GSDME: variants seen among roughly 807,000 people sequenced by gnomAD.
GSDME encodes gasdermin E, also known as gasdermin-E.
GSDME carries 44 observed loss-of-function variants against 47.5 expected under a neutral mutation model. That is an observed-to-expected ratio of 0.93 (90% CI 0.73 to 1.19). The LOEUF (loss-of-function observed/expected upper bound fraction) is 1.19, where lower values mean the gene tolerates loss of function less well. GSDME is among the 50% of genes most tolerant of loss of function. The pLI is 0.00. For synonymous variants in GSDME, 258 were observed against 252.8 expected (o/e 1.02, Z -0.20); for missense variants, 663 against 604.2 (o/e 1.10, Z -1.02).
intron 4 of GSDME, 144 bp from the exon 5 acceptor site, chr7:24,717,518 C>T (rs1181034432): frequency 1.4e-5 from 19 of 1,325,404 alleles, no homozygotes; most frequent in Non-Finnish European, 2.0e-5. Flanking sequence ...AGCCAGCCAG[C>T]ATGGGGGATG....
chr7:24,721,423 G>A lies in GSDME; in HGVS notation c.405-2205C>T, dbSNP rs958935698. Among the ~76,000 whole-genome samples the A allele has an allele frequency of 3.9e-5, 6 of 152,242 alleles. No homozygotes were observed. Among genetic ancestry groups the A allele is most frequent in the African/African-American group, 9.6e-5 (4 of 41,456 alleles). ...GAAGGAACAGGAAACAGGGACCCTG[G>A]AGCCTGCAGGGCTGGGGTTCGGATC... On this transcript the variant is annotated intron_variant, in intron 3 of 9. Transcript: ENST00000645220. The surrounding 1 kb of genome is among the most constrained non-coding windows in gnomAD (Gnocchi z 4.1).
the GSDME span, among the ~76,000 whole-genome samples, chr7:24,784,873 C>A: frequency 6.6e-6 from 1 of 152,048 alleles, no homozygotes. Context: ...CTTTTTCTAG[C>A]CTCACTGGCA....
chr7:24,759,441 G>C (rs1791131639), upstream of GSDME, among the ~76,000 whole-genome samples: 2 of 152,212 alleles, frequency 1.3e-5, no homozygotes, highest in South Asian at 4.1e-4. Context: ...GCCCGAGGAA[G>C]ATAGTAATAA....
upstream of GSDME, among the ~76,000 whole-genome samples, chr7:24,759,992 G>T (rs754340507): frequency 6.6e-6 from 1 of 152,134 alleles, no homozygotes; most frequent in Admixed American, 6.5e-5. Context: ...AAAAGAAAAC[G>T]TGGAACTCCA....
rs547864726 is a variant in GSDME at position 24,742,198 on chromosome 7, C to T, written c.404+2364G>A. On this transcript the variant is annotated intron_variant, in intron 3 of 9. Transcript: ENST00000645220. The surrounding 1 kb of genome is among the most constrained non-coding windows in gnomAD (Gnocchi z 4.4). ...AGTATCCTCCCTAGGGACGCGGGTT[C>T]ATGCCTCGGCCTTAACATTCTGTGC... Among the ~76,000 whole-genome samples the T allele has an allele frequency of 1.5e-4, 23 of 152,304 alleles. No homozygotes were observed. The highest frequency in any genetic ancestry group is 3.4e-4 in the Non-Finnish European group (23 of 68,028).
At position 24,712,760 on chromosome 7, in the gene GSDME, T is replaced by TA. The variant is rs1398478784; in HGVS notation, c.698-2373dup. Among the ~76,000 whole-genome samples, 1 of 152,170 alleles carries TA rather than the reference T, an allele frequency of 6.6e-6. No individual in the cohort carries two copies. Among genetic ancestry groups the TA allele is most frequent in the Non-Finnish European group, 1.5e-5 (1 of 68,026 alleles). ...GAGGCCAGGCACGGTGGCTCACACC[T>TA]ATAATCCTAACACTTTGGGAGGTCG... On this transcript the variant is annotated intron_variant, in intron 5 of 9. Transcript: ENST00000645220. The surrounding 1 kb of genome is among the most constrained non-coding windows in gnomAD (Gnocchi z 4.4).
chr7:24,710,435 G>C, intron 5 of GSDME, 47 bp from the exon 6 acceptor site: 1 of 1,602,010 alleles, frequency 6.2e-7, no homozygotes, highest in Non-Finnish European at 8.6e-7. Flanking sequence ...TGAGTCTAAG[G>C]TGTGCCAACA....
chr7:24,794,299 C>CCTCTCT, the GSDME span, among the ~76,000 whole-genome samples: 60,743 of 148,216 alleles, frequency 0.41, 12,658 homozygotes, highest in East Asian at 0.65. Context: ...CTCTTTCTCT[C>CCTCTCT]CTCTCTCTCT....
In GSDME at chr7:24,756,368, A is replaced by C. The variant is rs1188187811; in HGVS notation, c.-20+1028T>G. 6.6e-6 allele frequency among the ~76,000 whole-genome samples: 1 copy of C among 152,132 alleles called. No individual in the cohort carries two copies. Among genetic ancestry groups the C allele is most frequent in the African/African-American group, 2.4e-5 (1 of 41,430 alleles). ...AGAGCGAGACCCTCTCTCAACAATA[A>C]CAAAGAACCTAGCCAAGGGACCGTG... is the stretch of plus-strand genomic sequence containing the variant. On this transcript the variant is annotated intron_variant, in intron 1 of 9. Coordinates refer to ENST00000645220, the MANE Select transcript of GSDME (RefSeq NM_001127453.2). The surrounding 1 kb of genome is among the most constrained non-coding windows in gnomAD (Gnocchi z 4.2).
intron 5 of GSDME, among the ~76,000 whole-genome samples, chr7:24,711,775 A>C (rs1341242667): frequency 6.8e-6 from 1 of 146,428 alleles, no homozygotes; most frequent in African/African-American, 2.6e-5. Context: ...AGATCGCACC[A>C]CTGCACTCCA....
At chr7:24,701,505 G>GCCC (rs1469169186) in intron 9 of GSDME, among the ~76,000 whole-genome samples, 5 of 152,166 alleles carry the variant, frequency 3.3e-5, no homozygotes, top group Non-Finnish European at 7.3e-5. Flanking sequence ...GGCTTGGCAG[G>GCCC]ATTTTCTTTT....
In GSDME at chr7:24,712,657, G is replaced by A. The variant is rs549714293; in HGVS notation, c.698-2269C>T. Among the ~76,000 whole-genome samples the A allele has an allele frequency of 1.3e-5, 2 of 152,300 alleles. No homozygotes were observed. Among genetic ancestry groups the A allele is most frequent in the East Asian group, 3.9e-4 (2 of 5,186 alleles). ...AGGCCAGAGTGACCAGCGGGTGGAG[G>A]GGAGGAAAAACATCTTTCCTTCTGC... On this transcript the variant is annotated intron_variant, in intron 5 of 9. Transcript: ENST00000645220. This position sits in a 1 kb window ranked among gnomAD's most constrained non-coding sequence, Gnocchi z 4.4.
the GSDME span, among the ~76,000 whole-genome samples, chr7:24,789,225 G>A: frequency 6.6e-6 from 1 of 151,964 alleles, no homozygotes; most frequent in African/African-American, 2.4e-5. Flanking sequence ...TGAATATGTT[G>A]GTTTGAGTAG....
intron 8 of GSDME, 95 bp downstream of exon 8, chr7:24,706,089 C>T: frequency 1.4e-6 from 2 of 1,461,108 alleles, no homozygotes; most frequent in Non-Finnish European, 1.9e-6. Flanking sequence ...CCATATCTTC[C>T]ACAGTTACCA....
intron 5 of GSDME, among the ~76,000 whole-genome samples, chr7:24,713,113 A>G (rs1028720758): frequency 6.6e-6 from 1 of 152,092 alleles, no homozygotes; most frequent in Non-Finnish European, 1.5e-5. Flanking sequence ...GTGAAAAAAT[A>G]GTTAAATTTG....
chr7:24,699,546 G>T (rs1420471352), intron 9 of GSDME, among the ~76,000 whole-genome samples: 1 of 152,238 alleles, frequency 6.6e-6, no homozygotes, highest in Middle Eastern at 3.4e-3. Context: ...CACCGTGTTG[G>T]CCAGGCTGGT....
At chr7:24,699,638 C>T (rs1395827544) in intron 9 of GSDME, among the ~76,000 whole-genome samples, 1 of 152,194 alleles carries the variant, frequency 6.6e-6, no homozygotes, top group African/African-American at 2.4e-5. Context: ...CCACGCCTGG[C>T]CAACTATGTC....
intron 4 of GSDME, among the ~76,000 whole-genome samples, chr7:24,718,463 C>G (rs538932978): frequency 9.8e-5 from 15 of 152,352 alleles, no homozygotes; most frequent in Admixed American, 9.2e-4. Flanking sequence ...TGCCCTAACT[C>G]AACCCACAAA....
rs201170133 is a variant in GSDME, at chr7:24,744,644, G to A, written c.322C>T (p.Arg108Cys). The A allele has an allele frequency of 2.9e-5, 47 of 1,614,128 alleles. No homozygotes were observed. Among genetic ancestry groups the A allele is most frequent in the African/African-American group, 8.0e-5 (6 of 75,014 alleles). Residue 108 changes from arginine (R) to cysteine (C), a missense_variant, in exon 3 of 10, where the codon CGC (arginine) becomes TGC (cysteine). Transcript: ENST00000645220. This position sits in a 1 kb window ranked among gnomAD's most constrained non-coding sequence, Gnocchi z 4.5. ...CCAAATGAAGACTGGCTCTCTACGC[G>A]GCTGCTGCCCCCCAGGTTCAGCTTG... ...KVKLNLGGSS[R>C]VESQSSFGTL... is the part of the protein sequence containing the mutation.
Sources: allele counts gnomAD v4.1 joint callset (sites outside exome capture counted in the v4.1 genomes callset), GRCh38; gene constraint gnomAD v4.1.1; non-coding constraint Gnocchi (gnomAD v3.1); transcripts MANE v1.5; gene names NCBI Gene and HGNC (gene_info 2026-07-23, HGNC 2026-07-21).